Variants in WWOX observed in about 807,000 individuals in gnomAD.
The protein encoded by WWOX is WW domain-containing oxidoreductase.
A neutral mutation model predicts 46.2 loss-of-function variants in WWOX; 69 were observed. That is an observed-to-expected ratio of 1.49 (90% confidence interval 1.23 to 1.82). The LOEUF (loss-of-function observed/expected upper bound fraction) is 1.82, where lower values mean the gene tolerates loss of function less well. Ranked by LOEUF, WWOX falls within the 40% of genes most tolerant of loss-of-function variation. WWOX has a pLI of 0.00. For synonymous variants in WWOX, 359 were observed against 202.6 expected (o/e 1.77, Z -6.56); for missense variants, 919 against 542.6 (o/e 1.69, Z -6.89).
At position 78,460,043 on chromosome 16, in the gene WWOX, G is replaced by C. The variant is rs552368389; in HGVS notation, c.1056+27291G>C. The stretch of plus-strand genomic sequence containing the variant: ...GCTAGTGTTGAACTCCTGGGCTCAA[G>C]CAATCCGCCCACCTCGGCCTCCCAA... On this transcript the variant is annotated intron_variant, in intron 8 of 8. Coordinates refer to ENST00000566780, the MANE Select transcript of WWOX (RefSeq NM_016373.4). 3.3e-5 allele frequency among the ~76,000 whole-genome samples: 5 copies of C among 152,022 alleles called. No individual in the cohort carries two copies. In the South Asian group the frequency reaches 1.0e-3, roughly 32 times the overall value.
At chr16:78,182,598 C>G (rs2035564261) in intron 5 of WWOX, among the ~76,000 whole-genome samples, 1 of 152,070 alleles carries the variant, frequency 6.6e-6, no homozygotes, top group Non-Finnish European at 1.5e-5. Flanking sequence ...ACATCGCTGT[C>G]AACCTTCTTC....
intron 8 of WWOX, among the ~76,000 whole-genome samples, chr16:79,126,105 C>T (rs2049748551): frequency 6.6e-6 from 1 of 152,116 alleles, no homozygotes; most frequent in South Asian, 2.1e-4. Context: ...CCTGGAGTTT[C>T]ACAGAAGAAG....
intron 4 of WWOX, among the ~76,000 whole-genome samples, chr16:78,124,783 G>A (rs111930819): frequency 0.022 from 3,377 of 152,228 alleles, 81 homozygotes; most frequent in African/African-American, 0.059. Flanking sequence ...TACTTTTTGT[G>A]ATTTTTGGAG....
At chr16:78,302,591 G>A (rs1258811480) in intron 5 of WWOX, among the ~76,000 whole-genome samples, 1 of 152,184 alleles carries the variant, frequency 6.6e-6, no homozygotes, top group African/African-American at 2.4e-5. Context: ...TAAAAATATA[G>A]CTTTCCCATT....
chr16:78,782,027 C>T (rs1411971114), intron 8 of WWOX, among the ~76,000 whole-genome samples: 1 of 152,146 alleles, frequency 6.6e-6, no homozygotes, highest in Non-Finnish European at 1.5e-5. Context: ...TAACCTCTAC[C>T]AGATTTTGGT....
chr16:79,003,024 T>C (rs2047124001), intron 8 of WWOX, among the ~76,000 whole-genome samples: 1 of 152,198 alleles, frequency 6.6e-6, no homozygotes, highest in African/African-American at 2.4e-5. Flanking sequence ...CGCCAATGCA[T>C]GCCAGCCACA....
chr16:79,199,361 C>T (rs921887076), intron 8 of WWOX, among the ~76,000 whole-genome samples: 3 of 152,140 alleles, frequency 2.0e-5, no homozygotes, highest in South Asian at 2.1e-4. Flanking sequence ...TGGTGCCAGG[C>T]CTCTCCTGTC....
At chr16:78,982,897 T>C (rs148192315) in intron 8 of WWOX, among the ~76,000 whole-genome samples, 1 of 152,352 alleles carries the variant, frequency 6.6e-6, no homozygotes, top group African/African-American at 2.4e-5. Context: ...TGTGTGGTGA[T>C]GTTGTGAACA....
intron 5 of WWOX, among the ~76,000 whole-genome samples, chr16:78,190,457 C>G (rs1031508552): frequency 1.3e-5 from 2 of 152,168 alleles, no homozygotes; most frequent in Middle Eastern, 3.2e-3. Context: ...TCAGTCCTAT[C>G]CAGTATACCT....
chr16:78,563,324 C>T (rs1046613146), intron 8 of WWOX, among the ~76,000 whole-genome samples: 1 of 151,780 alleles, frequency 6.6e-6, no homozygotes, highest in African/African-American at 2.4e-5. Flanking sequence ...TTATTTATTT[C>T]TTTTCAATAC....
intron 5 of WWOX, among the ~76,000 whole-genome samples, chr16:78,313,589 C>T (rs997140039): frequency 3.3e-5 from 5 of 152,220 alleles, no homozygotes; most frequent in African/African-American, 1.2e-4. Context: ...TGGCCTCAAA[C>T]TCCTGACCTC....
At chr16:79,191,594 T>C (rs436387) in intron 8 of WWOX, among the ~76,000 whole-genome samples, 56,753 of 152,130 alleles carry the variant, frequency 0.37, 13,132 homozygotes, top group Non-Finnish European at 0.53. Flanking sequence ...TTACTGATGA[T>C]CATTTGAGAC....
chr16:78,479,200 G>A (rs566467463), intron 8 of WWOX, among the ~76,000 whole-genome samples: 10 of 152,292 alleles, frequency 6.6e-5, no homozygotes, highest in African/African-American at 2.2e-4. Context: ...CTCCATCACT[G>A]TGTAACTTCA....
chr16:78,426,152 C>G (rs371605176), intron 7 of WWOX, among the ~76,000 whole-genome samples: 1 of 152,176 alleles, frequency 6.6e-6, no homozygotes, highest in Non-Finnish European at 1.5e-5. Context: ...CATGAAACAT[C>G]TAGTAATTAG....
At chr16:78,318,530 A>G (rs1321108118) in intron 5 of WWOX, among the ~76,000 whole-genome samples, 2 of 152,172 alleles carry the variant, frequency 1.3e-5, no homozygotes, top group African/African-American at 4.8e-5. Context: ...AACAAATGTT[A>G]AGAACACAAC....
chr16:78,133,287 G>C (rs1412544079), intron 4 of WWOX, among the ~76,000 whole-genome samples: 5 of 152,176 alleles, frequency 3.3e-5, no homozygotes, highest in Non-Finnish European at 5.9e-5. Flanking sequence ...GAAAGATGGA[G>C]TCTTGCACTG....
chr16:78,715,130 G>A (rs1597482338), intron 8 of WWOX, among the ~76,000 whole-genome samples: 1 of 152,088 alleles, frequency 6.6e-6, no homozygotes, highest in African/African-American at 2.4e-5. Flanking sequence ...AGAAAAAAGA[G>A]AATGGATTGT....
chr16:78,678,754 C>T (rs1302654151), intron 8 of WWOX, among the ~76,000 whole-genome samples: 1 of 152,102 alleles, frequency 6.6e-6, no homozygotes, highest in Non-Finnish European at 1.5e-5. Context: ...AGGAAACTGA[C>T]CTTTTTTCAG....
At chr16:78,107,901 T>C (rs570932154) in intron 1 of WWOX, among the ~76,000 whole-genome samples, 7 of 152,208 alleles carry the variant, frequency 4.6e-5, no homozygotes, top group African/African-American at 1.7e-4. Context: ...CCAAAACAAA[T>C]ACACAGCAAA....
Sources: allele counts gnomAD v4.1 joint callset (sites outside exome capture counted in the v4.1 genomes callset), GRCh38; gene constraint gnomAD v4.1.1; transcripts MANE v1.5; gene names NCBI Gene and HGNC (gene_info 2026-07-23, HGNC 2026-07-21).